TRAF3IP3: variants seen among roughly 807,000 people sequenced by gnomAD.
TRAF3IP3 encodes the protein TRAF3-interacting JNK-activating modulator.
In TRAF3IP3, 64 loss-of-function variants were observed where a neutral mutation model predicts 86.5. The observed-to-expected ratio is 0.74, with a 90% CI of 0.60 to 0.91. TRAF3IP3 has a LOEUF of 0.91. Among genes scored for constraint, TRAF3IP3 ranks in the 40% least tolerant of loss-of-function variants. The probability of loss-of-function intolerance (pLI) is 0.00; values close to 1 mark genes in which losing one functional copy is unlikely to be tolerated. For missense variants in TRAF3IP3, 579 were observed against 642.9 expected, an observed-to-expected ratio of 0.90 and a Z score of 1.07; for synonymous variants, 220 against 243.9, an observed-to-expected ratio of 0.90 and a Z score of 0.91.
intron 14 of TRAF3IP3, 122 bp from the exon 15 acceptor site, chr1:209,780,348 C>G: frequency 1.1e-6 from 1 of 895,994 alleles, no homozygotes; most frequent in Non-Finnish European, 1.6e-6. Context: ...TGCCATCAGT[C>G]TAGCCAAGAG....
chr1:209,773,044 A>T, intron 9 of TRAF3IP3, 25 bp downstream of exon 9: 1 of 1,556,388 alleles, frequency 6.4e-7, no homozygotes, highest in Non-Finnish European at 8.7e-7. Context: ...GGATACTTCC[A>T]TCTCAGGAAT....
Position 209,782,069 on chromosome 1 carries a change from G to C in TRAF3IP3, c.1577G>C (p.Arg526Pro). 6.2e-7 allele frequency: 1 copy of C among 1,613,994 alleles called. No homozygotes were observed. The change falls in exon 17 of 17, where the codon CGA becomes CCA. Residue 526 changes from arginine to proline, a missense_variant. Arg to Pro is a moderately radical substitution (Grantham distance 103). Transcript: ENST00000367025. ...GTCCCCCTACAGAGGCAATGTGGGC[G>C]ATGGCTCCCAGTGCTGATGGTGGTG... ...QQLPPRRQCG[R>P]WLPVLMVVIA...
intron 14 of TRAF3IP3, 177 bp from the exon 15 acceptor site, chr1:209,780,293 A>G: frequency 2.1e-6 from 1 of 483,184 alleles, no homozygotes; most frequent in Non-Finnish European, 3.5e-6. Flanking sequence ...CTGTCTGTCC[A>G]AGCTTAGCAG....
intron 2 of TRAF3IP3, among the ~76,000 whole-genome samples, 163 bp from the exon 3 acceptor site, chr1:209,759,819 G>C (rs1267032743): frequency 6.6e-6 from 1 of 152,206 alleles, no homozygotes; most frequent in Non-Finnish European, 1.5e-5. Context: ...ATTAGAGACT[G>C]AGCCCAAGAG....
chr1:209,780,691 AGTT>A, intron 15 of TRAF3IP3, 85 bp downstream of exon 15: 2 of 1,332,396 alleles, frequency 1.5e-6, no homozygotes, highest in Non-Finnish European at 2.0e-6. Flanking sequence ...GGGATTTCAA[AGTT>A]TAAGTTGTGA....
At chr1:209,774,921 G>T (rs548096715) in intron 9 of TRAF3IP3, among the ~76,000 whole-genome samples, 2 of 152,250 alleles carry the variant, frequency 1.3e-5, no homozygotes, top group African/African-American at 4.8e-5. Flanking sequence ...TAAGGAAATT[G>T]TCAAGGCTCA....
chr1:209,759,936 C>A, intron 2 of TRAF3IP3, 46 bp from the exon 3 acceptor site: 1 of 914,858 alleles, frequency 1.1e-6, no homozygotes, highest in Non-Finnish European at 1.7e-6. Flanking sequence ...ATTTTTCTGC[C>A]CATCTTCTGA....
intron 8 of TRAF3IP3, among the ~76,000 whole-genome samples, chr1:209,765,220 A>AGG (rs1558012954): frequency 7.1e-5 from 7 of 99,172 alleles, no homozygotes; most frequent in Admixed American, 1.0e-4. Flanking sequence ...AGAGGGAGAG[A>AGG]GAGAGAGAGG....
At chr1:209,765,955 T>A (rs1456092681) in intron 8 of TRAF3IP3, among the ~76,000 whole-genome samples, 1 of 152,242 alleles carries the variant, frequency 6.6e-6, no homozygotes, top group African/African-American at 2.4e-5. Flanking sequence ...TAGTATGTAC[T>A]ATAAATTCAT....
intron 8 of TRAF3IP3, chr1:209,768,797 T>TG: frequency 1.5e-6 from 1 of 651,102 alleles, no homozygotes; most frequent in Non-Finnish European, 1.9e-6. Context: ...ACTGTAACAC[T>TG]GGGCTTCAGT....
intron 13 of TRAF3IP3, 49 bp downstream of exon 13, chr1:209,778,222 C>G (rs760732338): frequency 3.2e-6 from 5 of 1,567,002 alleles, no homozygotes; most frequent in Non-Finnish European, 4.4e-6. Flanking sequence ...TTCCTGGGGT[C>G]CTGGCCCACA....
intron 13 of TRAF3IP3, 136 bp from the exon 14 acceptor site, chr1:209,779,179 A>G: frequency 3.1e-6 from 2 of 655,738 alleles, no homozygotes; most frequent in East Asian, 2.7e-5. Context: ...TTCAACATAT[A>G]TATTCTGGGG....
Position 209,782,264 on chromosome 1 carries a change from T to C in TRAF3IP3, c.*116T>C. 1 of 762,666 alleles carries C rather than the reference T, an allele frequency of 1.3e-6. No individual in the cohort carries two copies. The highest frequency in any genetic ancestry group is 2.6e-5 in the East Asian group (1 of 38,870). 47.2% of individuals were successfully genotyped at this position (762,666 alleles called of 1,614,324 possible). A position where few individuals can be genotyped will look rare whatever the true frequency, so the allele number is the denominator to read the frequency against. ...TCCAACTGACTTAGGATTTCTGACT[T>C]TTTATTAATTTCTTAACCTACTGTA... On this transcript the variant is annotated 3_prime_UTR_variant, in exon 17 of 17. Coordinates refer to ENST00000367025, the MANE Select transcript of TRAF3IP3 (RefSeq NM_025228.4).
intron 8 of TRAF3IP3, among the ~76,000 whole-genome samples, chr1:209,767,544 G>T (rs986995313): frequency 1.3e-5 from 2 of 152,066 alleles, no homozygotes; most frequent in African/African-American, 4.8e-5. Context: ...AAAAAAATTA[G>T]CCATGCATGG....
At chr1:209,775,170 T>C in intron 9 of TRAF3IP3, 179 bp from the exon 10 acceptor site, 1 of 631,358 alleles carries the variant, frequency 1.6e-6, no homozygotes, top group Non-Finnish European at 2.8e-6. Context: ...TGCCCTCCAC[T>C]CATCTCTCAT....
At chr1:209,765,036 G>C (rs545348714) in intron 8 of TRAF3IP3, among the ~76,000 whole-genome samples, 11 of 151,798 alleles carry the variant, frequency 7.2e-5, no homozygotes, top group Admixed American at 6.6e-5. Flanking sequence ...TTAGCCAGGC[G>C]TGGTGGTGCA....
intron 8 of TRAF3IP3, chr1:209,768,113 T>G: frequency 1.0e-6 from 1 of 984,774 alleles, no homozygotes; most frequent in Non-Finnish European, 1.2e-6. Flanking sequence ...TCAACTCCAA[T>G]AAAAGTATAG....
rs2077795891 is a variant in TRAF3IP3 at position 209,782,136 on chromosome 1, C to A, written c.1644C>A (p.Asn548Lys). Residue 548 changes from asparagine (N) to lysine (K), a missense_variant, in exon 17 of 17, where the codon AAC becomes AAA. Coordinates refer to ENST00000367025, the MANE Select transcript of TRAF3IP3 (RefSeq NM_025228.4). ...ALAVFLANKD[N>K]LMI The stretch of plus-strand genomic sequence containing the variant: ...CAGTGTTCCTGGCCAATAAAGACAA[C>A]CTGATGATCTGAATAATTTGTGACA... 5 of 1,613,664 alleles carry A rather than the reference C, an allele frequency of 3.1e-6. No homozygotes were observed. The highest frequency in any genetic ancestry group is 8.5e-7 in the Non-Finnish European group (1 of 1,179,572).
intron 8 of TRAF3IP3, among the ~76,000 whole-genome samples, chr1:209,772,219 G>A (rs2077559652): frequency 6.6e-6 from 1 of 152,090 alleles, no homozygotes; most frequent in South Asian, 2.1e-4. Context: ...GTCTGAGATC[G>A]AGGTGTCAGC....
Sources: allele counts gnomAD v4.1 joint callset (sites outside exome capture counted in the v4.1 genomes callset), GRCh38; gene constraint gnomAD v4.1.1; transcripts MANE v1.5; gene names NCBI Gene and HGNC (gene_info 2026-07-23, HGNC 2026-07-21).